The following ASCC3 variants were observed in gnomAD, a reference collection of about 807,000 sequenced individuals.
ASCC3 encodes the protein ASC-1 complex subunit P200.
Under a neutral mutation model 256.3 loss-of-function variants are expected in ASCC3, and 158 were observed. That is an observed-to-expected ratio of 0.62 (90% CI 0.54 to 0.70). The LOEUF (loss-of-function observed/expected upper bound fraction) is 0.70. Among genes scored for constraint, ASCC3 ranks in the 30% least tolerant of loss-of-function variants. ASCC3 has a pLI of 0.00. For missense variants in ASCC3, 2,259 were observed against 2,626.0 expected (o/e 0.86, Z 3.05); for synonymous variants, 948 against 883.4 (o/e 1.07, Z -1.30).
At chr6:100,598,448 C>T (rs184359574) in intron 34 of ASCC3, among the ~76,000 whole-genome samples, 3 of 151,372 alleles carry the variant, frequency 2.0e-5, no homozygotes, top group East Asian at 3.9e-4. Context: ...TACTCTGGAT[C>T]AGAGGCTCAC....
In ASCC3 at chr6:100,656,398, T is replaced by C. The variant is rs183963979; in HGVS notation, c.2704-580A>G. ...TGTTTTGCACGAAACAAAGCAGATT[T>C]TGTTGTGATTTATACATATTAATAA... On this transcript the variant is annotated intron_variant, in intron 16 of 41. Transcript: ENST00000369162. Among the ~76,000 whole-genome samples, 242 of 151,756 alleles carry C rather than the reference T, an allele frequency of 1.6e-3. 1 individual carries two copies. The highest frequency in any genetic ancestry group is 4.6e-3 in the Admixed American group (70 of 15,218).
At chr6:100,767,009 G>T in intron 9 of ASCC3, 136 bp downstream of exon 9, 2 of 948,030 alleles carry the variant, frequency 2.1e-6, no homozygotes, top group Non-Finnish European at 1.6e-6. Flanking sequence ...TAGTAATGAA[G>T]TAAATCAAAC....
chr6:100,670,560 C>A (rs9377140), intron 14 of ASCC3, among the ~76,000 whole-genome samples: 9,002 of 145,770 alleles, frequency 0.062, 648 homozygotes, highest in East Asian at 0.3. Context: ...CAGATACAAC[C>A]ATCTTCCCCC....
chr6:100,747,608 T>C (rs1475830729), intron 10 of ASCC3, among the ~76,000 whole-genome samples: 1 of 152,056 alleles, frequency 6.6e-6, no homozygotes, highest in Non-Finnish European at 1.5e-5. Flanking sequence ...AACATAATAA[T>C]GTAAGTGAAA....
chr6:100,862,189 G>A (rs764131145), intron 3 of ASCC3, among the ~76,000 whole-genome samples: 8 of 152,118 alleles, frequency 5.3e-5, no homozygotes, highest in Non-Finnish European at 1.0e-4. Context: ...ACCTGCCTCT[G>A]TATTCTTAAA....
At chr6:100,720,496 A>G (rs888083559) in intron 11 of ASCC3, among the ~76,000 whole-genome samples, 2 of 151,888 alleles carry the variant, frequency 1.3e-5, no homozygotes, top group African/African-American at 2.4e-5. Flanking sequence ...CTCACAACCA[A>G]CAACACATTC....
At chr6:100,732,165 C>CAAAAAAAA (rs386408063) in intron 10 of ASCC3, among the ~76,000 whole-genome samples, 5 of 105,038 alleles carry the variant, frequency 4.8e-5, no homozygotes, top group African/African-American at 3.8e-5. Context: ...CGTCTCAAAA[C>CAAAAAAAA]AAAAAAAAAA....
chr6:100,747,922 T>G (rs1273966541), intron 10 of ASCC3, among the ~76,000 whole-genome samples: 1 of 152,094 alleles, frequency 6.6e-6, no homozygotes, highest in Non-Finnish European at 1.5e-5. Context: ...TATCTAGTGC[T>G]TTCCTTAGAA....
At chr6:100,746,607 T>C (rs534702124) in intron 10 of ASCC3, among the ~76,000 whole-genome samples, 4 of 152,216 alleles carry the variant, frequency 2.6e-5, no homozygotes, top group African/African-American at 7.2e-5. Context: ...GCCTCACTAT[T>C]TGCACTTTTA....
chr6:100,749,654 A>T (rs1190136437), intron 10 of ASCC3, among the ~76,000 whole-genome samples: 1 of 151,964 alleles, frequency 6.6e-6, no homozygotes, highest in Non-Finnish European at 1.5e-5. Flanking sequence ...TATCATAAAG[A>T]GGAATGCCCT....
chr6:100,799,587 A>G lies in ASCC3; in HGVS notation c.1128-15T>C. ...GTGCCTGTTCTCTGTAAACATAAAA[A>G]TAGGCCTAATTTGAAATGTTTATCT... On this transcript the variant is annotated splice_polypyrimidine_tract_variant and intron_variant, in intron 6 of 41. Transcript: ENST00000369162. 6.2e-7 allele frequency: 1 copy of G among 1,609,938 alleles called. No homozygotes were observed. The highest frequency in any genetic ancestry group is 1.1e-5 in the South Asian group (1 of 90,988).
intron 24 of ASCC3, among the ~76,000 whole-genome samples, chr6:100,641,932 G>A (rs1173749509): frequency 6.7e-6 from 1 of 150,248 alleles, no homozygotes; most frequent in African/African-American, 2.5e-5. Context: ...CAAACACCAC[G>A]TGTTCTCACT....
chr6:100,709,695 T>C (rs938702652), intron 13 of ASCC3, among the ~76,000 whole-genome samples: 1 of 152,108 alleles, frequency 6.6e-6, no homozygotes, highest in Admixed American at 6.6e-5. Flanking sequence ...AAAAAGTGAA[T>C]ATAAAACTGT....
At chr6:100,777,459 T>C (rs777431900) in intron 8 of ASCC3, among the ~76,000 whole-genome samples, 2 of 151,984 alleles carry the variant, frequency 1.3e-5, no homozygotes, top group Non-Finnish European at 2.9e-5. Context: ...GCTTACATTC[T>C]AATTAGGGTG....
intron 13 of ASCC3, among the ~76,000 whole-genome samples, chr6:100,714,786 G>A (rs1779012298): frequency 1.3e-5 from 2 of 152,026 alleles, no homozygotes; most frequent in Admixed American, 1.3e-4. Flanking sequence ...CCTCAAGAAT[G>A]CTCAGTGTTC....
At chr6:100,707,802 C>T (rs1219905026) in intron 13 of ASCC3, among the ~76,000 whole-genome samples, 6 of 152,060 alleles carry the variant, frequency 3.9e-5, no homozygotes, top group African/African-American at 1.4e-4. Context: ...AGAAGGATAG[C>T]TCCTTTGCAA....
chr6:100,879,287 G>A (rs1320063291), intron 1 of ASCC3, among the ~76,000 whole-genome samples: 3 of 152,104 alleles, frequency 2.0e-5, no homozygotes, highest in East Asian at 1.9e-4. Flanking sequence ...GAGTTTTTAT[G>A]GAGGCTTCAC....
At chr6:100,772,118 T>C (rs1355243404) in intron 8 of ASCC3, among the ~76,000 whole-genome samples, 1 of 152,048 alleles carries the variant, frequency 6.6e-6, no homozygotes, top group Admixed American at 6.6e-5. Flanking sequence ...ACTGACCTCG[T>C]GATCCACCCG....
intron 10 of ASCC3, among the ~76,000 whole-genome samples, chr6:100,749,155 T>C (rs1318178887): frequency 6.6e-6 from 1 of 152,048 alleles, no homozygotes; most frequent in African/African-American, 2.4e-5. Flanking sequence ...CTCTTCCCCG[T>C]CAAACAGTGT....
Sources: allele counts gnomAD v4.1 joint callset (sites outside exome capture counted in the v4.1 genomes callset), GRCh38; gene constraint gnomAD v4.1.1; transcripts MANE v1.5; gene names NCBI Gene and HGNC (gene_info 2026-07-23, HGNC 2026-07-21).